The following PRKN variants were observed in gnomAD, a reference collection of about 807,000 sequenced individuals.
The protein encoded by PRKN is E3 ubiquitin-protein ligase parkin.
A neutral mutation model predicts 59.5 loss-of-function variants in PRKN; 56 were observed. That is an observed-to-expected ratio of 0.94 (90% CI 0.76 to 1.18). The LOEUF (loss-of-function observed/expected upper bound fraction) is 1.18, where lower values mean the gene tolerates loss of function less well. PRKN is among the 50% of genes most tolerant of loss of function. PRKN has a pLI of 0.00. For synonymous variants in PRKN, 250 were observed against 222.1 expected, an observed-to-expected ratio of 1.13 and a Z score of -1.12; for missense variants, 657 against 596.4, an observed-to-expected ratio of 1.10 and a Z score of -1.06.
At chr6:161,901,282 G>A (rs959957663) in intron 6 of PRKN, among the ~76,000 whole-genome samples, 4 of 152,012 alleles carry the variant, frequency 2.6e-5, no homozygotes, top group African/African-American at 9.7e-5. Context: ...AGTTTGGATC[G>A]ATGGCCCAAG....
chr6:162,688,864 T>A (rs1777663660), intron 1 of PRKN, among the ~76,000 whole-genome samples: 1 of 152,136 alleles, frequency 6.6e-6, no homozygotes, highest in Non-Finnish European at 1.5e-5. Context: ...GTGTTTTTAC[T>A]TTTTTCCCCC....
intron 2 of PRKN, among the ~76,000 whole-genome samples, chr6:162,326,216 A>T (rs1783268940): frequency 6.6e-6 from 1 of 152,180 alleles, no homozygotes; most frequent in Non-Finnish European, 1.5e-5. Context: ...ATGTTAGAAG[A>T]CAAATTAAAT....
At chr6:161,717,562 G>A (rs922012180) in intron 7 of PRKN, among the ~76,000 whole-genome samples, 2 of 152,200 alleles carry the variant, frequency 1.3e-5, no homozygotes, top group African/African-American at 2.4e-5. Context: ...AGCAGATTGC[G>A]GAGATGGTGG....
Position 162,115,743 on chromosome 6 carries a change from C to T in PRKN, c.535-61569G>A, listed in dbSNP as rs117290489. On this transcript the variant is annotated intron_variant, in intron 4 of 11. Transcript: ENST00000366898. ...CAGGAGCCCATATGGGTCAAGATGGCTTCTGGAGATAGATAAAAGCGGATG... is the reference window on the plus strand; with the variant it reads ...CAGGAGCCCATATGGGTCAAGATGGTTTCTGGAGATAGATAAAAGCGGATG... Among the ~76,000 whole-genome samples, 121 of 152,148 alleles carry T rather than the reference C, an allele frequency of 8.0e-4. No homozygotes were observed. The East Asian group carries it at 0.018, about 23-fold the overall frequency.
intron 5 of PRKN, among the ~76,000 whole-genome samples, chr6:162,012,486 G>A (rs1004424818): frequency 1.3e-5 from 2 of 151,842 alleles, no homozygotes; most frequent in East Asian, 3.9e-4. Flanking sequence ...CCATTTGAAA[G>A]TAACTTTCAG....
chr6:162,572,640 A>G (rs6906849), intron 1 of PRKN, among the ~76,000 whole-genome samples: 34,007 of 152,006 alleles, frequency 0.22, 4,534 homozygotes, highest in African/African-American at 0.37. Context: ...TTACTTTACT[A>G]CAAAATGTCC....
intron 7 of PRKN, among the ~76,000 whole-genome samples, chr6:161,728,714 G>A (rs191670317): frequency 1.4e-4 from 21 of 152,270 alleles, no homozygotes; most frequent in Admixed American, 4.6e-4. Context: ...AGCGAGGGGT[G>A]AGGGGCATTT....
At position 162,590,068 on chromosome 6, in the gene PRKN, ATG is replaced by A. The variant is rs35390372; in HGVS notation, c.7+137592_7+137593del. Among the ~76,000 whole-genome samples the A allele has an allele frequency of 6.0e-3, 914 of 152,122 alleles. 9 individuals are homozygous for A. The highest frequency in any genetic ancestry group is 0.021 in the African/African-American group (867 of 41,522). On this transcript the variant is annotated intron_variant, in intron 1 of 11. Coordinates refer to ENST00000366898, the MANE Select transcript of PRKN (RefSeq NM_004562.3). ...TGACTTGATATAATTTTCACGTAAG[ATG>A]TGTGTGTGTGCATGTAAACACATGT...
At chr6:161,854,203 C>T (rs562206107) in intron 6 of PRKN, among the ~76,000 whole-genome samples, 24 of 151,632 alleles carry the variant, frequency 1.6e-4, no homozygotes, top group South Asian at 8.3e-4. Flanking sequence ...TGCAGTGAGC[C>T]GAGATCACGC....
At chr6:161,948,337 T>A (rs1779858783) in intron 6 of PRKN, among the ~76,000 whole-genome samples, 1 of 152,200 alleles carries the variant, frequency 6.6e-6, no homozygotes, top group Non-Finnish European at 1.5e-5. Flanking sequence ...GTCTTCCTGC[T>A]GGACTCATTT....
At chr6:162,009,238 G>T (rs1261441213) in intron 5 of PRKN, among the ~76,000 whole-genome samples, 1 of 151,828 alleles carries the variant, frequency 6.6e-6, no homozygotes, top group Non-Finnish European at 1.5e-5. Context: ...GGGTGACAGA[G>T]CAAGACTCTG....
At chr6:161,991,823 T>C (rs1001653221) in intron 5 of PRKN, among the ~76,000 whole-genome samples, 13 of 151,776 alleles carry the variant, frequency 8.6e-5, no homozygotes, top group African/African-American at 3.1e-4. Context: ...GCCTGGGTGA[T>C]GAGAGTGAAA....
chr6:162,461,529 GAAAGA>G (rs2128174381), intron 1 of PRKN, among the ~76,000 whole-genome samples: 1 of 69,822 alleles, frequency 1.4e-5, no homozygotes, highest in African/African-American at 4.9e-5. Flanking sequence ...AAAAAAAAAA[GAAAGA>G]AAAAGAAAAG....
At chr6:161,909,303 A>G (rs1778265769) in intron 6 of PRKN, among the ~76,000 whole-genome samples, 1 of 152,136 alleles carries the variant, frequency 6.6e-6, no homozygotes, top group South Asian at 2.1e-4. Flanking sequence ...AAATTTAAAG[A>G]AGGTGACTTG....
Position 161,513,752 on chromosome 6 carries a change from A to G in PRKN, c.1083+35102T>C, listed in dbSNP as rs537082591. 5.9e-4 allele frequency among the ~76,000 whole-genome samples: 90 copies of G among 152,200 alleles called. 1 individual carries two copies. Among genetic ancestry groups the G allele is most frequent in the African/African-American group, 2.1e-3 (86 of 41,518 alleles). Reference sequence around the variant, plus strand: ...ATGACTTTCCCCTGTAAGACATCTCATGAGAAGGCGGGGAAAGCACTACTT... The same window carrying G: ...ATGACTTTCCCCTGTAAGACATCTCGTGAGAAGGCGGGGAAAGCACTACTT... On this transcript the variant is annotated intron_variant, in intron 9 of 11. Coordinates refer to ENST00000366898, the MANE Select transcript of PRKN (RefSeq NM_004562.3).
At chr6:162,382,504 A>T (rs1786545325) in intron 2 of PRKN, among the ~76,000 whole-genome samples, 3 of 152,236 alleles carry the variant, frequency 2.0e-5, no homozygotes, top group Admixed American at 6.5e-5. Context: ...TGTATATAAA[A>T]ACAGCATACA....
chr6:161,645,721 G>A (rs1168712413), intron 7 of PRKN, among the ~76,000 whole-genome samples: 1 of 152,238 alleles, frequency 6.6e-6, no homozygotes, highest in Non-Finnish European at 1.5e-5. Flanking sequence ...TCACAATAAA[G>A]TGTCCATCAC....
intron 1 of PRKN, chr6:162,695,109 G>C (rs1777920711): frequency 6.6e-6 from 1 of 152,128 alleles, no homozygotes. Context: ...TTTTATGGCT[G>C]TTCTGCTTGA....
intron 5 of PRKN, among the ~76,000 whole-genome samples, chr6:161,975,085 CTTTTTTTTT>C (rs769121865): frequency 8.0e-6 from 1 of 124,468 alleles, no homozygotes. Context: ...ACATATACTT[CTTTTTTTTT>C]TTTTTTTTTT....
Sources: gnomAD v4.1 joint callset for allele counts (sites outside exome capture counted in the v4.1 genomes callset) on GRCh38, gnomAD v4.1.1 for gene constraint, MANE v1.5 for transcripts, NCBI Gene and HGNC (gene_info 2026-07-23, HGNC 2026-07-21) for gene names.